The following SLC39A12 variants were observed in gnomAD, a reference collection of about 807,000 sequenced individuals.
SLC39A12 encodes zinc transporter ZIP12.
SLC39A12 carries 63 observed loss-of-function variants against 71.1 expected under a neutral mutation model. The ratio of observed to expected loss-of-function variants is 0.89; its 90% CI spans 0.72 to 1.09. SLC39A12 has a LOEUF of 1.09. Ranked by LOEUF, SLC39A12 falls within the 50% of genes least tolerant of loss-of-function variation. The pLI is 0.00. For missense variants in SLC39A12, 892 were observed against 812.6 expected (o/e 1.10, Z -1.19); for synonymous variants, 351 against 301.3 (o/e 1.16, Z -1.71).
chr10:17,991,957 C>A (rs565809126), intron 8 of SLC39A12, among the ~76,000 whole-genome samples: 18 of 151,802 alleles, frequency 1.2e-4, no homozygotes, highest in African/African-American at 4.3e-4. Context: ...GGCATGATGC[C>A]GCGCGCCTGT....
chr10:18,037,456 T>G (rs1002643272), intron 12 of SLC39A12, among the ~76,000 whole-genome samples: 2 of 152,184 alleles, frequency 1.3e-5, no homozygotes, highest in African/African-American at 4.8e-5. Context: ...TTCACTACAG[T>G]TAGGAGGTGA....
rs773974535 is a variant in SLC39A12, at chr10:17,965,646, A to G, written c.707A>G (p.Tyr236Cys). 6 of 1,614,026 alleles carry G rather than the reference A, an allele frequency of 3.7e-6. No homozygotes were observed. Among genetic ancestry groups the G allele is most frequent in the South Asian group, 1.1e-5 (1 of 91,082 alleles). Residue 236 changes from tyrosine (Y) to cysteine (C), a missense_variant, in exon 4 of 13, where the codon TAT (tyrosine) becomes TGT (cysteine). By Grantham distance (194) the Tyr-to-Cys change is radical (BLOSUM62 -2). Transcript: ENST00000377369. ...NLPSPDYFTE[Y>C]IFSSLNRTNT... is the part of the protein sequence containing the mutation. Reference sequence around the variant, plus strand: ...CCTTCCCCAGACTACTTTACAGAATATATTTTCAGTTCCTTGAATCGTACG... The same window carrying G: ...CCTTCCCCAGACTACTTTACAGAATGTATTTTCAGTTCCTTGAATCGTACG...
intron 12 of SLC39A12, among the ~76,000 whole-genome samples, chr10:18,018,333 C>T (rs192457842): frequency 3.6e-4 from 55 of 152,194 alleles, no homozygotes; most frequent in African/African-American, 1.1e-3. Flanking sequence ...TGAACAAAGG[C>T]GGTCTTATTT....
At chr10:17,955,170 A>G (rs1310703359) in intron 2 of SLC39A12, among the ~76,000 whole-genome samples, 7 of 152,116 alleles carry the variant, frequency 4.6e-5, no homozygotes, top group African/African-American at 1.7e-4. Context: ...GGGAAGGTAA[A>G]TATGCAAAAT....
chr10:18,033,164 T>C (rs1836899634), intron 12 of SLC39A12, among the ~76,000 whole-genome samples: 1 of 139,456 alleles, frequency 7.2e-6, no homozygotes, highest in African/African-American at 2.7e-5. Context: ...GCTGGCCTCA[T>C]AAAATGAGTT....
At position 17,993,266 on chromosome 10, in the gene SLC39A12, G is replaced by T; in HGVS notation, c.1508G>T (p.Gly503Val). 2 of 1,551,776 alleles carry T rather than the reference G, an allele frequency of 1.3e-6. No individual in the cohort carries two copies. The highest frequency in any genetic ancestry group is 2.7e-5 in the African/African-American group (2 of 73,154). ...NSELSDQAGR[G>V]KSASTIQLKS... ...GAATTAAGTGACCAGGCAGGCAGAGGCAAATCTGCTTCAACTATCCAGTTG... is the reference window on the plus strand; with the variant it reads ...GAATTAAGTGACCAGGCAGGCAGAGTCAAATCTGCTTCAACTATCCAGTTG... The change falls in exon 9 of 13, where the codon GGC becomes GTC. Residue 503 changes from glycine (G) to valine (V), a missense_variant. Transcript: ENST00000377369.
intron 6 of SLC39A12, among the ~76,000 whole-genome samples, chr10:17,987,003 TCAAAAACAA>T (rs1304816937): frequency 1.3e-5 from 2 of 152,038 alleles, no homozygotes; most frequent in Non-Finnish European, 2.9e-5. Context: ...AGAACCTGTC[TCAAAAACAA>T]CAAAAACAAC....
At chr10:17,979,520 CTCTT>C (rs1835201001) in intron 5 of SLC39A12, among the ~76,000 whole-genome samples, 1 of 152,074 alleles carries the variant, frequency 6.6e-6, no homozygotes, top group Non-Finnish European at 1.5e-5. Context: ...TTGCCAGTGT[CTCTT>C]TATTTTTGTC....
intron 12 of SLC39A12, chr10:18,010,485 AC>A (rs1836181462): frequency 1.3e-5 from 2 of 152,250 alleles, no homozygotes; most frequent in Non-Finnish European, 2.9e-5. Context: ...TTTAACATTC[AC>A]AATTATTTCT....
At chr10:17,977,846 G>A in intron 4 of SLC39A12, 56 bp from the exon 5 acceptor site, 2 of 1,271,528 alleles carry the variant, frequency 1.6e-6, no homozygotes, top group Non-Finnish European at 2.1e-6. Context: ...GTGAAATTGT[G>A]ACTATTCGGA....
intron 12 of SLC39A12, among the ~76,000 whole-genome samples, chr10:18,036,037 A>G (rs1301642480): frequency 3.3e-5 from 5 of 152,176 alleles, no homozygotes; most frequent in African/African-American, 4.8e-5. Context: ...TGGGAGAACC[A>G]CTGCTCTCTT....
intron 12 of SLC39A12, among the ~76,000 whole-genome samples, chr10:18,009,372 A>C (rs956617525): frequency 1.3e-5 from 2 of 152,318 alleles, no homozygotes; most frequent in African/African-American, 4.8e-5. Flanking sequence ...ATGCCAAAAC[A>C]AAATAAAACA....
intron 12 of SLC39A12, among the ~76,000 whole-genome samples, chr10:18,031,013 T>C (rs1836832324): frequency 6.6e-6 from 1 of 151,602 alleles, no homozygotes; most frequent in Non-Finnish European, 1.5e-5. Flanking sequence ...TTCCATGGTG[T>C]ATATGTGCCA....
intron 8 of SLC39A12, 53 bp downstream of exon 8, chr10:17,991,356 A>G: frequency 7.1e-7 from 1 of 1,408,526 alleles, no homozygotes; most frequent in Non-Finnish European, 9.5e-7. Flanking sequence ...TAATACATTC[A>G]TCTGTTCCTT....
At chr10:18,037,201 G>C (rs1051205747) in intron 12 of SLC39A12, among the ~76,000 whole-genome samples, 1 of 152,050 alleles carries the variant, frequency 6.6e-6, no homozygotes, top group Non-Finnish European at 1.5e-5. Flanking sequence ...TGTGTTTGCT[G>C]TTATTGTTTA....
At chr10:18,042,624 G>T in intron 12 of SLC39A12, 81 bp from the exon 13 acceptor site, 1 of 1,404,640 alleles carries the variant, frequency 7.1e-7, no homozygotes, top group South Asian at 1.4e-5. Flanking sequence ...CTGAATAACA[G>T]TCGCTCATGT....
At chr10:18,008,764 G>A (rs1254652130) in intron 12 of SLC39A12, 2 of 152,076 alleles carry the variant, frequency 1.3e-5, no homozygotes, top group Non-Finnish European at 2.9e-5. Flanking sequence ...TTTATAATTT[G>A]GTACTGTTTC....
intron 1 of SLC39A12, among the ~76,000 whole-genome samples, chr10:17,952,814 G>A (rs1834438620): frequency 6.6e-6 from 1 of 152,120 alleles, no homozygotes; most frequent in Admixed American, 6.6e-5. Context: ...ACATGATGTT[G>A]GTCATTTAGT....
intron 4 of SLC39A12, among the ~76,000 whole-genome samples, chr10:17,967,265 A>G (rs1286271217): frequency 6.6e-6 from 1 of 152,116 alleles, no homozygotes; most frequent in Non-Finnish European, 1.5e-5. Flanking sequence ...GAGGCTTGAC[A>G]AGGTTGCTTA....
Sources: gnomAD v4.1 joint callset for allele counts (sites outside exome capture counted in the v4.1 genomes callset) on GRCh38, gnomAD v4.1.1 for gene constraint, MANE v1.5 for transcripts, NCBI Gene and HGNC (gene_info 2026-07-23, HGNC 2026-07-21) for gene names.